The following PPHLN1 variants were observed in gnomAD, a reference collection of about 807,000 sequenced individuals.
PPHLN1 encodes the protein periphilin 1.
Under a neutral mutation model 51.3 loss-of-function variants are expected in PPHLN1, and 29 were observed. The ratio of observed to expected loss-of-function variants is 0.57; its 90% CI spans 0.42 to 0.77. PPHLN1 has a LOEUF of 0.77. Ranked by LOEUF, PPHLN1 falls within the 30% of genes least tolerant of loss-of-function variation. The probability of loss-of-function intolerance (pLI) is 0.00; values close to 1 mark genes in which losing one functional copy is unlikely to be tolerated. For missense variants in PPHLN1, 436 were observed against 438.4 expected (o/e 0.99, Z 0.05); for synonymous variants, 147 against 147.8 (o/e 0.99, Z 0.04).
intron 5 of PPHLN1, among the ~76,000 whole-genome samples, chr12:42,380,864 T>C (rs1016815294): frequency 1.3e-5 from 2 of 152,214 alleles, no homozygotes; most frequent in Non-Finnish European, 2.9e-5. Flanking sequence ...CCCACTATGC[T>C]GTGTTCAATA....
intron 9 of PPHLN1, among the ~76,000 whole-genome samples, chr12:42,439,329 A>G (rs2082738977): frequency 6.6e-6 from 1 of 152,230 alleles, no homozygotes; most frequent in Non-Finnish European, 1.5e-5. Flanking sequence ...GTAACTGTCA[A>G]GTTGAAGACT....
chr12:42,375,163 T>A (rs1485600979), intron 5 of PPHLN1, 89 bp downstream of exon 5: 29 of 1,069,380 alleles, frequency 2.7e-5, no homozygotes, highest in Non-Finnish European at 3.7e-5. Flanking sequence ...TGTAAGAGAT[T>A]TATTTTTTAA....
At chr12:42,411,526 CTG>C (rs1021438291) in intron 9 of PPHLN1, among the ~76,000 whole-genome samples, 5 of 152,148 alleles carry the variant, frequency 3.3e-5, no homozygotes, top group African/African-American at 9.7e-5. Flanking sequence ...ACAAAAGAAA[CTG>C]TTTTAAGGAA....
intron 5 of PPHLN1, among the ~76,000 whole-genome samples, chr12:42,381,768 T>G (rs2076776717): frequency 6.6e-6 from 1 of 152,122 alleles, no homozygotes; most frequent in African/African-American, 2.4e-5. Context: ...AGTAAAAAAT[T>G]TTCTTATCAT....
chr12:42,412,123 T>G (rs2079913916), intron 9 of PPHLN1, among the ~76,000 whole-genome samples: 1 of 152,026 alleles, frequency 6.6e-6, no homozygotes, highest in African/African-American at 2.4e-5. Context: ...AAGAATTGCT[T>G]GAACCCAGGA....
chr12:42,404,288 G>C (rs150312450), intron 9 of PPHLN1, among the ~76,000 whole-genome samples: 5 of 152,092 alleles, frequency 3.3e-5, no homozygotes, highest in Non-Finnish European at 7.4e-5. Context: ...CAGCACTTTG[G>C]GGGGCCCAGG....
In PPHLN1 at chr12:42,387,449, T is replaced by C; in HGVS notation, c.569-7T>C. On this transcript the variant is annotated splice_region_variant and splice_polypyrimidine_tract_variant and intron_variant, in intron 6 of 9. Coordinates refer to ENST00000358314, the MANE Select transcript of PPHLN1 (RefSeq NM_201439.2). ...AAAAAAATTACATCTTATGTTTTCT[T>C]ATATAGATAAAGAGAGGCCTGTCCA... 6.3e-7 allele frequency: 1 copy of C among 1,598,312 alleles called. No homozygotes were observed. Among genetic ancestry groups the C allele is most frequent in the East Asian group, 2.2e-5 (1 of 44,752 alleles).
intron 4 of PPHLN1, among the ~76,000 whole-genome samples, chr12:42,359,894 G>A (rs777041443): frequency 2.6e-5 from 4 of 152,050 alleles, no homozygotes; most frequent in Non-Finnish European, 4.4e-5. Context: ...GATCACATGA[G>A]GTCAGGAGTT....
chr12:42,341,309 C>G (rs987493832), intron 2 of PPHLN1, among the ~76,000 whole-genome samples: 1 of 151,892 alleles, frequency 6.6e-6, no homozygotes, highest in African/African-American at 2.4e-5. Flanking sequence ...ACTCTTTGCC[C>G]CATTTATGAT....
In PPHLN1 at chr12:42,387,272, A is replaced by G. The variant is rs1411860507; in HGVS notation, c.569-184A>G. The G allele has an allele frequency of 5.6e-6, 3 of 531,450 alleles. No homozygotes were observed. The Admixed American group carries it at 1.2e-4, about 21-fold the overall frequency. The allele number at this position is 531,450 out of a possible 1,614,324, so 32.9% of individuals were successfully genotyped here. The stretch of plus-strand genomic sequence containing the variant: ...ATCCTTTGGTTCCAGGTTATTTCAG[A>G]TTGTTGATGGTGCTTAGCCTCTGAG... On this transcript the variant is annotated intron_variant, in intron 6 of 9. Coordinates refer to ENST00000358314, the MANE Select transcript of PPHLN1 (RefSeq NM_201439.2).
chr12:42,436,497 T>G (rs2139940909), intron 9 of PPHLN1, among the ~76,000 whole-genome samples: 1 of 152,358 alleles, frequency 6.6e-6, no homozygotes, highest in Middle Eastern at 3.4e-3. Flanking sequence ...CATGAGTGCC[T>G]CAAGTGACTA....
At chr12:42,399,871 A>C (rs1373851254) in intron 9 of PPHLN1, 6 of 152,174 alleles carry the variant, frequency 3.9e-5, no homozygotes, top group Non-Finnish European at 7.3e-5. Context: ...AGAGGAATAT[A>C]AGGAAAATGG....
intron 9 of PPHLN1, among the ~76,000 whole-genome samples, chr12:42,407,983 C>T (rs915893605): frequency 3.9e-5 from 6 of 152,074 alleles, no homozygotes; most frequent in Non-Finnish European, 7.3e-5. Flanking sequence ...TAGGGATCAC[C>T]GGGGGCTATT....
At chr12:42,332,643 A>AT in intron 1 of PPHLN1, 1 of 1,561,342 alleles carries the variant, frequency 6.4e-7, no homozygotes, top group Non-Finnish European at 8.8e-7. Context: ...TTACGTCTGT[A>AT]TTTCCCCCCC....
intron 5 of PPHLN1, chr12:42,375,281 G>T: frequency 3.1e-6 from 1 of 320,058 alleles, no homozygotes; most frequent in Non-Finnish European, 5.7e-6. Flanking sequence ...CATTCTGCAT[G>T]ACACTTACCT....
chr12:42,356,400 C>G (rs2074052520), intron 4 of PPHLN1, among the ~76,000 whole-genome samples: 1 of 152,184 alleles, frequency 6.6e-6, no homozygotes, highest in Non-Finnish European at 1.5e-5. Flanking sequence ...AACCCAGGGT[C>G]AAGAGCTTGG....
At chr12:42,368,462 C>G (rs2075488934) in intron 4 of PPHLN1, among the ~76,000 whole-genome samples, 1 of 151,990 alleles carries the variant, frequency 6.6e-6, no homozygotes, top group African/African-American at 2.4e-5. Context: ...ATATAGATAC[C>G]ATTCATGTCA....
intron 2 of PPHLN1, among the ~76,000 whole-genome samples, chr12:42,339,407 A>G (rs2071159182): frequency 6.6e-6 from 1 of 151,974 alleles, no homozygotes; most frequent in African/African-American, 2.4e-5. Context: ...TATTTTGGTT[A>G]GTAATTTAAA....
intron 1 of PPHLN1, among the ~76,000 whole-genome samples, chr12:42,332,293 G>A (rs762982834): frequency 1.3e-5 from 2 of 152,138 alleles, no homozygotes; most frequent in Non-Finnish European, 2.9e-5. Flanking sequence ...ATAGGAGATG[G>A]TAATTTTCAT....
Sources: allele counts gnomAD v4.1 joint callset (sites outside exome capture counted in the v4.1 genomes callset), GRCh38; gene constraint gnomAD v4.1.1; transcripts MANE v1.5; gene names NCBI Gene and HGNC (gene_info 2026-07-23, HGNC 2026-07-21).